The following LDHAL6A variants were observed in gnomAD, a reference collection of about 807,000 sequenced individuals.
LDHAL6A encodes the protein L-lactate dehydrogenase A-like 6A.
LDHAL6A carries 19 observed loss-of-function variants against 28.2 expected under a neutral mutation model. That is an observed-to-expected ratio of 0.67 (90% CI 0.47 to 0.99). The LOEUF (loss-of-function observed/expected upper bound fraction) is 0.99, where lower values mean the gene tolerates loss of function less well. Among genes scored for constraint, LDHAL6A ranks in the 50% least tolerant of loss-of-function variants. The pLI is 0.00. For missense variants in LDHAL6A, 372 were observed against 398.6 expected (o/e 0.93, Z 0.57); for synonymous variants, 144 against 134.4 (o/e 1.07, Z -0.49).
Position 18,467,880 on chromosome 11 carries a change from CATATATAT to C in LDHAL6A, c.418+2102_418+2109del, listed in dbSNP as rs1161164040. On this transcript the variant is annotated intron_variant, in intron 3 of 6. Coordinates refer to ENST00000280706, the MANE Select transcript of LDHAL6A (RefSeq NM_144972.5). ...CAAAAAAAATATATATATATACACACATATATATATATATATATATATATATATATATA... is the reference window on the plus strand; with the variant it reads ...CAAAAAAAATATATATATATACACACATATATATATATATATATATATATA... 6.6e-3 allele frequency among the ~76,000 whole-genome samples: 292 copies of C among 44,408 alleles called. 24 individuals are homozygous for C. The highest frequency in any genetic ancestry group is 0.01 in the South Asian group (12 of 1,168). 29.1% of individuals were successfully genotyped at this position (44,408 alleles called of 152,430 possible).
intron 3 of LDHAL6A, chr11:18,468,560 G>A (rs1849181416): frequency 6.6e-6 from 1 of 152,056 alleles, no homozygotes; most frequent in South Asian, 2.1e-4. Flanking sequence ...GGCTGGTCTT[G>A]AACTCCTGAC....
chr11:18,459,641 C>T (rs980129122), intron 1 of LDHAL6A, among the ~76,000 whole-genome samples: 79 of 152,248 alleles, frequency 5.2e-4, no homozygotes, highest in African/African-American at 1.6e-3. Context: ...ACATTTGTCA[C>T]GATGAAAGAA....
At chr11:18,462,446 G>T (rs918291319) in intron 1 of LDHAL6A, among the ~76,000 whole-genome samples, 3 of 151,756 alleles carry the variant, frequency 2.0e-5, no homozygotes, top group Non-Finnish European at 2.9e-5. Context: ...GACCATCCTG[G>T]CTAACACGGT....
intron 3 of LDHAL6A, among the ~76,000 whole-genome samples, chr11:18,474,606 CA>C (rs1211902740): frequency 1.1e-4 from 17 of 151,972 alleles, no homozygotes; most frequent in Non-Finnish European, 2.2e-4. Flanking sequence ...AGGATGGTGT[CA>C]ATCTCTTGAC....
chr11:18,475,047 C>T (rs897133765), intron 3 of LDHAL6A, among the ~76,000 whole-genome samples: 2 of 152,152 alleles, frequency 1.3e-5, no homozygotes, highest in Admixed American at 1.3e-4. Flanking sequence ...TTGAGACCAG[C>T]CTGGCCAACA....
rs182336176 is a variant in LDHAL6A, at chr11:18,479,102, C to T, written c.*232C>T. ...ATGGCTCACTGCAACCTTGACCTCC[C>T]GAGCTCAGGTGAGCCTCCCACTTCA... On this transcript the variant is annotated 3_prime_UTR_variant, in exon 7 of 7. Coordinates refer to ENST00000280706, the MANE Select transcript of LDHAL6A (RefSeq NM_144972.5). The T allele has an allele frequency of 3.1e-4, 108 of 345,060 alleles. No individual in the cohort carries two copies. The highest frequency in any genetic ancestry group is 6.7e-4 in the East Asian group (11 of 16,436). 21.4% of individuals were successfully genotyped at this position (345,060 alleles called of 1,614,324 possible).
At chr11:18,464,800 T>G (rs528047327) in intron 2 of LDHAL6A, among the ~76,000 whole-genome samples, 51 of 152,204 alleles carry the variant, frequency 3.4e-4, no homozygotes, top group Non-Finnish European at 6.9e-4. Context: ...TACTGTACTT[T>G]ATTCACTTGG....
chr11:18,466,194 A>C (rs1478704079), intron 3 of LDHAL6A, among the ~76,000 whole-genome samples: 1 of 152,176 alleles, frequency 6.6e-6, no homozygotes, highest in Non-Finnish European at 1.5e-5. Context: ...TTCACTGTTC[A>C]GTGAAGGAGT....
At chr11:18,476,199 G>A (rs908123571) in intron 4 of LDHAL6A, among the ~76,000 whole-genome samples, 185 bp from the exon 5 acceptor site, 1 of 152,226 alleles carries the variant, frequency 6.6e-6, no homozygotes, top group Non-Finnish European at 1.5e-5. Flanking sequence ...TCTTTGCCAA[G>A]ATAATAGAAT....
intron 3 of LDHAL6A, 124 bp downstream of exon 3, chr11:18,465,934 G>A (rs1849061016): frequency 1.4e-6 from 1 of 708,806 alleles, no homozygotes; most frequent in Non-Finnish European, 2.3e-6. Context: ...CCCAGGTACT[G>A]AGCAAAGTAC....
In LDHAL6A at chr11:18,456,780, G is replaced by C; in HGVS notation, c.100G>C (p.Ala34Pro). The change falls in exon 1 of 7, where the codon GCT becomes CCT. Residue 34 changes from alanine to proline, a missense_variant. Physicochemically the swap from Ala to Pro is conservative, Grantham distance 27. Coordinates refer to ENST00000280706, the MANE Select transcript of LDHAL6A (RefSeq NM_144972.5). The part of the protein sequence containing the change: ...SIVGTGSVGV[A>P]CAISILLKGL... ...TGTAGGAACTGGATCGGTTGGTGTG[G>C]CTTGTGCTATCAGCATCTTATTAAA... 1 of 1,613,630 alleles carries C rather than the reference G, an allele frequency of 6.2e-7. No individual in the cohort carries two copies. The highest frequency in any genetic ancestry group is 8.5e-7 in the Non-Finnish European group (1 of 1,179,920).
chr11:18,469,191 TTTCTC>T (rs1431959276), intron 3 of LDHAL6A: 12 of 642,072 alleles, frequency 1.9e-5, no homozygotes, highest in Non-Finnish European at 3.0e-5. Context: ...CCTTCATTAA[TTTCTC>T]TAACCGTTCA....
At position 18,456,689 on chromosome 11, in the gene LDHAL6A, T is replaced by C; in HGVS notation, c.9T>C (p.Thr3=). The C allele has an allele frequency of 6.2e-7, 1 of 1,613,888 alleles. No individual in the cohort carries two copies. Among genetic ancestry groups the C allele is most frequent in the Non-Finnish European group, 8.5e-7 (1 of 1,179,904 alleles). ...ACTGTTAGGTTTCCAAGATGGCAAC[T>C]ATCAAGAGTGAACTTATTAAGAATT... MA[T]IKSELIKNFA... The change falls in exon 1 of 7, where the codon ACT becomes ACC. Residue 3 remains threonine (T), a synonymous_variant. Coordinates refer to ENST00000280706, the MANE Select transcript of LDHAL6A (RefSeq NM_144972.5).
At chr11:18,460,226 G>A (rs528646411) in intron 1 of LDHAL6A, among the ~76,000 whole-genome samples, 1 of 152,278 alleles carries the variant, frequency 6.6e-6, no homozygotes, top group African/African-American at 2.4e-5. Context: ...TTGAGCCTAG[G>A]AGTTTGAGAC....
chr11:18,475,872 G>A lies in LDHAL6A; in HGVS notation c.592+233G>A, dbSNP rs568439095. Among the ~76,000 whole-genome samples, 4 of 152,188 alleles carry A rather than the reference G, an allele frequency of 2.6e-5. No individual in the cohort carries two copies. The South Asian group carries it at 6.2e-4, about 24-fold the overall frequency. ...ACATATGGATGGCTAGGATTATAAC[G>A]CTTTTCTTAAATAGAGAACTAAGTA... On this transcript the variant is annotated intron_variant, in intron 4 of 6. Coordinates refer to ENST00000280706, the MANE Select transcript of LDHAL6A (RefSeq NM_144972.5).
At chr11:18,461,860 GAA>G (rs34785727) in intron 1 of LDHAL6A, among the ~76,000 whole-genome samples, 4,053 of 131,274 alleles carry the variant, frequency 0.031, 176 homozygotes, top group African/African-American at 0.1. Context: ...TCAAAAAAAA[GAA>G]AAAAAAAAAA....
intron 2 of LDHAL6A, among the ~76,000 whole-genome samples, chr11:18,464,973 T>TTTTG (rs1849012089): frequency 9.2e-4 from 7 of 7,634 alleles, no homozygotes; most frequent in African/African-American, 2.5e-3. Context: ...GAGGTGTTTT[T>TTTTG]TTTGTTTTTT....
intron 1 of LDHAL6A, among the ~76,000 whole-genome samples, chr11:18,458,247 G>A (rs555017736): frequency 5.1e-4 from 77 of 152,270 alleles, no homozygotes; most frequent in Middle Eastern, 3.4e-3. Flanking sequence ...AGGTGGAGGT[G>A]GTGGATAGGA....
At position 18,456,828 on chromosome 11, in the gene LDHAL6A, A is replaced by C. The variant is rs760763323; in HGVS notation, c.126+22A>C. Reference sequence around the variant, plus strand: ...AAAAGTAAGTTGTGTGCTCTGCACCACAGGGTTCACCTCAGTTGGAGGCGA... The same window carrying C: ...AAAAGTAAGTTGTGTGCTCTGCACCCCAGGGTTCACCTCAGTTGGAGGCGA... On this transcript the variant is annotated intron_variant, in intron 1 of 6. Transcript: ENST00000280706. 2.5e-6 allele frequency: 4 copies of C among 1,606,052 alleles called. 1 individual carries two copies. The highest frequency in any genetic ancestry group is 3.4e-6 in the Non-Finnish European group (4 of 1,176,684).
Sources: gnomAD v4.1 joint callset for allele counts (sites outside exome capture counted in the v4.1 genomes callset) on GRCh38, gnomAD v4.1.1 for gene constraint, MANE v1.5 for transcripts, NCBI Gene and HGNC (gene_info 2026-07-23, HGNC 2026-07-21) for gene names.